Variants in SLC12A6 observed in about 807,000 individuals in gnomAD.
SLC12A6 encodes the protein solute carrier family 12 member 6, also known as K-Cl cotransporter 3.
Under a neutral mutation model 135.3 loss-of-function variants are expected in SLC12A6, and 66 were observed. The observed-to-expected ratio is 0.49, with a 90% CI of 0.40 to 0.60. SLC12A6 has a LOEUF of 0.60. Ranked by LOEUF, SLC12A6 falls within the 20% of genes least tolerant of loss-of-function variation. The pLI, the probability that SLC12A6 is intolerant of heterozygous loss-of-function variation, is 0.00. For synonymous variants in SLC12A6, 513 were observed against 508.8 expected (o/e 1.01, Z -0.11); for missense variants, 1,058 against 1,452.3 (o/e 0.73, Z 4.41).
At chr15:34,298,175 G>A (rs1225716846) in intron 2 of SLC12A6, among the ~76,000 whole-genome samples, 1 of 143,452 alleles carries the variant, frequency 7.0e-6, no homozygotes, top group Non-Finnish European at 1.5e-5. Context: ...TACAAATACT[G>A]TGGGACTCAA....
intron 2 of SLC12A6, among the ~76,000 whole-genome samples, chr15:34,316,127 A>AGGAGATCCAGACCATCCTGGCT (rs1555390057): frequency 6.6e-6 from 1 of 152,114 alleles, no homozygotes; most frequent in Non-Finnish European, 1.5e-5. Context: ...CATATTTAAA[A>AGGAGATCCAGACCATCCTGGCT]AACACATTTT....
intron 2 of SLC12A6, among the ~76,000 whole-genome samples, chr15:34,328,473 T>C (rs1172053552): frequency 6.6e-6 from 1 of 152,262 alleles, no homozygotes; most frequent in Non-Finnish European, 1.5e-5. Flanking sequence ...TAGTGTTTCC[T>C]ACTCATCAGG....
intron 2 of SLC12A6, among the ~76,000 whole-genome samples, chr15:34,304,791 T>A (rs1403984515): frequency 6.6e-6 from 1 of 152,218 alleles, no homozygotes; most frequent in Non-Finnish European, 1.5e-5. Flanking sequence ...GAACTATGCA[T>A]CCTTTGGTTA....
chr15:34,248,657 T>C (rs752600097), intron 13 of SLC12A6, among the ~76,000 whole-genome samples: 1 of 152,294 alleles, frequency 6.6e-6, no homozygotes, highest in Middle Eastern at 3.4e-3. Flanking sequence ...TTATATTGCA[T>C]CTGTTAGGCT....
chr15:34,245,549 C>T, intron 14 of SLC12A6, 144 bp downstream of exon 14: 1 of 904,730 alleles, frequency 1.1e-6, no homozygotes. Context: ...CACAGGTAAA[C>T]TCATGCTTGG....
chr15:34,274,039 C>T (rs980929602), intron 3 of SLC12A6, among the ~76,000 whole-genome samples: 1 of 152,046 alleles, frequency 6.6e-6, no homozygotes, highest in East Asian at 1.9e-4. Context: ...ATATATCTAT[C>T]TTATATACTG....
Position 34,252,243 on chromosome 15 carries a change from A to G in SLC12A6, c.1260T>C (p.Cys420=), listed in dbSNP as rs1226622652. The change falls in exon 10 of 26, where the codon TGT becomes TGC. Residue 420 remains cysteine, a synonymous_variant. Transcript: ENST00000354181. ...CNSSQFFNAT[C]DEYFVHNNVT... is the part of the protein sequence containing the mutation. ...CGTTATTGTGAACAAAGTATTCATC[A>G]CAGGTGGCATTGAAAAATTGACTCG... is the stretch of plus-strand genomic sequence containing the variant. The G allele has an allele frequency of 1.2e-6, 2 of 1,609,330 alleles. No homozygotes were observed. The highest frequency in any genetic ancestry group is 3.3e-5 in the Admixed American group (2 of 60,014).
chr15:34,321,922 T>G (rs1889118987), intron 2 of SLC12A6, among the ~76,000 whole-genome samples: 1 of 152,226 alleles, frequency 6.6e-6, no homozygotes, highest in Admixed American at 6.5e-5. Context: ...AACTAACCTA[T>G]GATGCAGAAA....
chr15:34,295,435 T>C (rs1323908298), intron 2 of SLC12A6, among the ~76,000 whole-genome samples: 1 of 152,192 alleles, frequency 6.6e-6, no homozygotes, highest in Non-Finnish European at 1.5e-5. Context: ...AGCCACAGAA[T>C]GATCCTCAAC....
At chr15:34,256,110 T>C (rs1328439723) in intron 7 of SLC12A6, 119 bp downstream of exon 7, 5 of 738,034 alleles carry the variant, frequency 6.8e-6, no homozygotes, top group South Asian at 1.4e-5. Context: ...CATTACTCTG[T>C]TGTAGCACAG....
At chr15:34,289,419 C>T (rs1451593861) in intron 2 of SLC12A6, among the ~76,000 whole-genome samples, 1 of 146,980 alleles carries the variant, frequency 6.8e-6, no homozygotes, top group Non-Finnish European at 1.5e-5. Flanking sequence ...CATCAATGTT[C>T]ATCAGGGATA....
At chr15:34,259,374 G>T (rs1595448969) in intron 4 of SLC12A6, among the ~76,000 whole-genome samples, 1 of 151,794 alleles carries the variant, frequency 6.6e-6, no homozygotes, top group East Asian at 1.9e-4. Flanking sequence ...ATTGAGTTGG[G>T]CATGGTGGCT....
chr15:34,250,707 T>A lies in SLC12A6; in HGVS notation c.1515A>T (p.Arg505Ser). Reference protein sequence around the residue: ...SVTGIMAGSNRSGDLKDAQKS... With the variant: ...SVTGIMAGSNSSGDLKDAQKS... ...TCTGAGCATCTTTCAGATCTCCAGATCTGTTTGATCCAGCCATGATACCTT... is the reference window on the plus strand; with the variant it reads ...TCTGAGCATCTTTCAGATCTCCAGAACTGTTTGATCCAGCCATGATACCTT... The change falls in exon 12 of 26, where the codon AGA becomes AGT. Residue 505 changes from arginine (R) to serine (S), a missense_variant. Coordinates refer to ENST00000354181, the MANE Select transcript of SLC12A6 (RefSeq NM_001365088.1). The A allele has an allele frequency of 6.2e-7, 1 of 1,604,780 alleles. No homozygotes were observed.
At chr15:34,328,295 C>G (rs187627317) in intron 2 of SLC12A6, among the ~76,000 whole-genome samples, 1 of 152,260 alleles carries the variant, frequency 6.6e-6, no homozygotes, top group East Asian at 1.9e-4. Context: ...TTTCGCAAAG[C>G]CCCTCAGACT....
chr15:34,238,801 G>T lies in SLC12A6; in HGVS notation c.2632+164C>A. The stretch of plus-strand genomic sequence containing the variant: ...ATGAACATAATGTGAAGCTGAAGGG[G>T]GTAGGTAGAATCTGGGTATTACTAC... On this transcript the variant is annotated intron_variant, in intron 20 of 25. Coordinates refer to ENST00000354181, the MANE Select transcript of SLC12A6 (RefSeq NM_001365088.1). The T allele has an allele frequency of 4.0e-6, 3 of 743,626 alleles. No individual in the cohort carries two copies. In the South Asian group the frequency reaches 4.2e-5, roughly 11 times the overall value. 46.1% of individuals were successfully genotyped at this position (743,626 alleles called of 1,614,324 possible).
At chr15:34,235,404 C>A in intron 24 of SLC12A6, 90 bp from the exon 25 acceptor site, 6 of 932,246 alleles carry the variant, frequency 6.4e-6, no homozygotes, top group Non-Finnish European at 1.0e-5. Flanking sequence ...AGCTTTTTCA[C>A]TTGACTATGG....
intron 3 of SLC12A6, among the ~76,000 whole-genome samples, chr15:34,263,410 C>T (rs941354550): frequency 6.6e-6 from 1 of 151,996 alleles, no homozygotes; most frequent in Admixed American, 6.6e-5. Context: ...GACCCTGTCT[C>T]GGGGCAGGTT....
chr15:34,274,247 C>T (rs901898352), intron 3 of SLC12A6, among the ~76,000 whole-genome samples: 11 of 152,054 alleles, frequency 7.2e-5, no homozygotes, highest in African/African-American at 2.7e-4. Context: ...TAAAAAGAAG[C>T]AGTCTGTATA....
chr15:34,336,285 T>C (rs1890188067), intron 2 of SLC12A6, 125 bp downstream of exon 2: 3 of 803,864 alleles, frequency 3.7e-6, no homozygotes, highest in African/African-American at 1.7e-5. Context: ...CACAAAGAGA[T>C]GCCTTGGTTC....
Sources: allele counts gnomAD v4.1 joint callset (sites outside exome capture counted in the v4.1 genomes callset), GRCh38; gene constraint gnomAD v4.1.1; transcripts MANE v1.5; gene names NCBI Gene and HGNC (gene_info 2026-07-23, HGNC 2026-07-21).